Variants in CDH13 observed in about 807,000 individuals in gnomAD.
The protein encoded by CDH13 is cadherin 13.
CDH13 carries 24 observed loss-of-function variants against 63.8 expected under a neutral mutation model. The observed-to-expected ratio is 0.38, with a 90% CI of 0.27 to 0.53. The LOEUF (loss-of-function observed/expected upper bound fraction) is 0.53, where lower values mean the gene tolerates loss of function less well. Ranked by LOEUF, CDH13 falls within the 20% of genes least tolerant of loss-of-function variation. The pLI, the probability that CDH13 is intolerant of heterozygous loss-of-function variation, is 0.85. For synonymous variants in CDH13, 503 were observed against 355.3 expected (o/e 1.42, Z -4.67); for missense variants, 1,049 against 903.1 (o/e 1.16, Z -2.07).
intron 8 of CDH13, among the ~76,000 whole-genome samples, chr16:83,652,909 C>T (rs1912522168): frequency 6.6e-6 from 1 of 152,188 alleles, no homozygotes; most frequent in Admixed American, 6.5e-5. Context: ...CCAGGTCCAT[C>T]AACTGATAAA....
At chr16:83,588,814 G>A (rs1013722712) in intron 7 of CDH13, among the ~76,000 whole-genome samples, 1 of 152,238 alleles carries the variant, frequency 6.6e-6, no homozygotes, top group African/African-American at 2.4e-5. Context: ...ATCCTGGGAA[G>A]GCAGGCCCCC....
intron 4 of CDH13, among the ~76,000 whole-genome samples, chr16:83,157,338 C>T (rs907698757): frequency 6.6e-6 from 1 of 152,136 alleles, no homozygotes; most frequent in African/African-American, 2.4e-5. Context: ...ACCCTTTGGG[C>T]AGGGAATGGG....
intron 6 of CDH13, among the ~76,000 whole-genome samples, chr16:83,354,428 T>A (rs2091015138): frequency 6.6e-6 from 1 of 152,164 alleles, no homozygotes; most frequent in Non-Finnish European, 1.5e-5. Context: ...CAGATAATAT[T>A]ATAGGGGCTG....
chr16:83,500,781 T>A (rs1339822964), intron 7 of CDH13, among the ~76,000 whole-genome samples: 1 of 151,498 alleles, frequency 6.6e-6, no homozygotes, highest in Admixed American at 6.6e-5. Context: ...GGTTTCACCA[T>A]GTTGGCCAGG....
chr16:83,190,164 T>C (rs1027424855), intron 4 of CDH13, among the ~76,000 whole-genome samples: 11 of 152,234 alleles, frequency 7.2e-5, no homozygotes, highest in Admixed American at 1.3e-4. Flanking sequence ...TGGTATAACA[T>C]TGGGCAAATG....
At chr16:83,180,990 T>C in intron 4 of CDH13, 1 of 1,529,516 alleles carries the variant, frequency 6.5e-7, no homozygotes, top group Non-Finnish European at 8.7e-7. Flanking sequence ...ATTATTGCTT[T>C]AAAGGAATAA....
At position 83,796,442 on chromosome 16, in the gene CDH13, G is replaced by A. The variant is rs1359914061; in HGVS notation, c.*1412G>A. On this transcript the variant is annotated 3_prime_UTR_variant, in exon 14 of 14. Coordinates refer to ENST00000567109, the MANE Select transcript of CDH13 (RefSeq NM_001257.5). ...CACTTGTGCTTTCAGTTAGCCTTCT[G>A]TAGGAAGTAGAAGTCATATGTTGTC... 2.6e-5 allele frequency: 4 copies of A among 152,222 alleles called. No individual in the cohort carries two copies. Among genetic ancestry groups the A allele is most frequent in the Non-Finnish European group, 5.9e-5 (4 of 68,036 alleles). 9.4% of individuals were successfully genotyped at this position (152,222 alleles called of 1,614,324 possible). A position where few individuals can be genotyped will look rare whatever the true frequency, so the allele number is the denominator to read the frequency against.
intron 1 of CDH13, among the ~76,000 whole-genome samples, chr16:82,739,254 A>C (rs1011261264): frequency 1.3e-5 from 2 of 152,220 alleles, no homozygotes; most frequent in Non-Finnish European, 2.9e-5. Context: ...TTCAGATGAT[A>C]TGCCCTTATG....
intron 2 of CDH13, chr16:82,954,489 T>C (rs1007792771): frequency 3.9e-5 from 6 of 152,156 alleles, no homozygotes; most frequent in East Asian, 1.9e-4. Context: ...AAATAACTTA[T>C]CCAGAGTCAC....
At chr16:83,275,170 C>T (rs904207792) in intron 5 of CDH13, among the ~76,000 whole-genome samples, 4 of 152,174 alleles carry the variant, frequency 2.6e-5, no homozygotes, top group Non-Finnish European at 4.4e-5. Context: ...GCCAAGTTTG[C>T]CCCATAGAGC....
chr16:82,678,535 A>C (rs1914194071), intron 1 of CDH13, among the ~76,000 whole-genome samples: 1 of 152,206 alleles, frequency 6.6e-6, no homozygotes, highest in South Asian at 2.1e-4. Context: ...GTTTTCTTGA[A>C]TGAAACAAAG....
chr16:83,517,473 G>A (rs964931791), intron 7 of CDH13, among the ~76,000 whole-genome samples: 2 of 152,190 alleles, frequency 1.3e-5, no homozygotes, highest in Non-Finnish European at 2.9e-5. Context: ...TGCAGCATGT[G>A]GAGCACTGGC....
intron 1 of CDH13, among the ~76,000 whole-genome samples, chr16:82,702,918 G>A (rs981811858): frequency 6.6e-6 from 1 of 152,038 alleles, no homozygotes; most frequent in Admixed American, 6.6e-5. Context: ...CCCCTCATTG[G>A]TTGGCTATGA....
intron 2 of CDH13, among the ~76,000 whole-genome samples, chr16:82,989,572 T>C (rs1034946863): frequency 2.0e-5 from 3 of 152,220 alleles, no homozygotes; most frequent in African/African-American, 2.4e-5. Flanking sequence ...TGGCACCTTC[T>C]CTAGGCCCAG....
At chr16:82,982,019 A>G (rs527374894) in intron 2 of CDH13, among the ~76,000 whole-genome samples, 3 of 152,198 alleles carry the variant, frequency 2.0e-5, no homozygotes, top group African/African-American at 7.2e-5. Flanking sequence ...GAAGTATAGC[A>G]TTCTAACAGC....
At chr16:83,447,148 C>G (rs552158133) in intron 6 of CDH13, among the ~76,000 whole-genome samples, 43 of 89,360 alleles carry the variant, frequency 4.8e-4, no homozygotes, top group Non-Finnish European at 8.3e-4. Context: ...GATGCGGTGG[C>G]TCACGCCTGT....
chr16:82,795,638 G>T (rs1031231986), intron 1 of CDH13, among the ~76,000 whole-genome samples: 3 of 152,274 alleles, frequency 2.0e-5, no homozygotes, highest in African/African-American at 7.2e-5. Flanking sequence ...AGGTCCTACA[G>T]TTGTTAAGTA....
At chr16:83,533,148 C>T (rs1196191036) in intron 7 of CDH13, among the ~76,000 whole-genome samples, 1 of 152,212 alleles carries the variant, frequency 6.6e-6, no homozygotes, top group African/African-American at 2.4e-5. Flanking sequence ...TCTGTCTCCA[C>T]TCACTCTTAT....
At chr16:82,697,734 A>G (rs2030497127) in intron 1 of CDH13, among the ~76,000 whole-genome samples, 1 of 147,032 alleles carries the variant, frequency 6.8e-6, no homozygotes, top group African/African-American at 2.6e-5. Flanking sequence ...GGCTGGGCCG[A>G]GGCATTGTGT....
Sources: allele counts gnomAD v4.1 joint callset (sites outside exome capture counted in the v4.1 genomes callset), GRCh38; gene constraint gnomAD v4.1.1; transcripts MANE v1.5; gene names NCBI Gene and HGNC (gene_info 2026-07-23, HGNC 2026-07-21).